Variants in GABRB1 observed in about 807,000 individuals in gnomAD.
GABRB1 encodes gamma-aminobutyric acid type A receptor subunit beta1.
GABRB1 carries 17 observed loss-of-function variants against 51.6 expected under a neutral mutation model. The ratio of observed to expected loss-of-function variants is 0.33; its 90% CI spans 0.23 to 0.49. The LOEUF (loss-of-function observed/expected upper bound fraction) is 0.49. Ranked by LOEUF, GABRB1 falls within the 20% of genes least tolerant of loss-of-function variation. GABRB1 has a pLI of 0.99. For missense variants in GABRB1, 410 were observed against 600.6 expected (o/e 0.68, Z 3.32); for synonymous variants, 247 against 218.9 (o/e 1.13, Z -1.14).
chr4:47,088,082 A>G lies in GABRB1; in HGVS notation c.240+55598A>G, dbSNP rs73132689. 6.4e-3 allele frequency among the ~76,000 whole-genome samples: 976 copies of G among 152,358 alleles called. 13 individuals carry two copies. The highest frequency in any genetic ancestry group is 0.022 in the African/African-American group (928 of 41,594). On this transcript the variant is annotated intron_variant, in intron 3 of 8. Transcript: ENST00000295454. ...CTTTTAGAGGAAATCATGGAAGACA[A>G]GAAATATGAACTAGTTTAAGATGTC...
At chr4:47,401,524 GT>G (rs1235453396) in intron 5 of GABRB1, among the ~76,000 whole-genome samples, 1 of 152,086 alleles carries the variant, frequency 6.6e-6, no homozygotes, top group African/African-American at 2.4e-5. Flanking sequence ...CATGCCACCA[GT>G]CCCTAGGTTC....
At chr4:47,133,079 T>C (rs1392362983) in intron 3 of GABRB1, among the ~76,000 whole-genome samples, 1 of 152,232 alleles carries the variant, frequency 6.6e-6, no homozygotes, top group Non-Finnish European at 1.5e-5. Context: ...CAGCATATTA[T>C]GTTTTTATGT....
chr4:47,063,418 T>A (rs1451878943), intron 3 of GABRB1, among the ~76,000 whole-genome samples: 5 of 152,186 alleles, frequency 3.3e-5, no homozygotes, highest in Non-Finnish European at 7.3e-5. Flanking sequence ...CTGCTACATG[T>A]CGGCACAATG....
intron 3 of GABRB1, among the ~76,000 whole-genome samples, chr4:47,091,164 A>G (rs1012046318): frequency 2.0e-5 from 3 of 152,022 alleles, no homozygotes; most frequent in Non-Finnish European, 4.4e-5. Context: ...GGATACTGCT[A>G]AACATCGTAC....
intron 5 of GABRB1, among the ~76,000 whole-genome samples, chr4:47,327,579 AC>A (rs1725305483): frequency 6.6e-6 from 1 of 152,170 alleles, no homozygotes; most frequent in Non-Finnish European, 1.5e-5. Context: ...ACACTTAGTG[AC>A]ACCTGGTTAC....
At chr4:47,195,896 C>A (rs572691062) in intron 4 of GABRB1, among the ~76,000 whole-genome samples, 1 of 152,212 alleles carries the variant, frequency 6.6e-6, no homozygotes, top group African/African-American at 2.4e-5. Context: ...TTCTGCCAGT[C>A]TGATGTCATC....
At chr4:47,336,829 G>A (rs1725718503) in intron 5 of GABRB1, among the ~76,000 whole-genome samples, 1 of 152,100 alleles carries the variant, frequency 6.6e-6, no homozygotes, top group South Asian at 2.1e-4. Flanking sequence ...GTCAAAAAGT[G>A]GCCAATTAAT....
At chr4:47,404,502 C>G (rs954809122) in intron 7 of GABRB1, among the ~76,000 whole-genome samples, 1 of 123,414 alleles carries the variant, frequency 8.1e-6, no homozygotes, top group Non-Finnish European at 1.7e-5. Flanking sequence ...CACACACACA[C>G]ACACACACAC....
chr4:47,224,903 T>C (rs1353906861), intron 4 of GABRB1, among the ~76,000 whole-genome samples: 1 of 152,170 alleles, frequency 6.6e-6, no homozygotes, highest in Admixed American at 6.6e-5. Context: ...GTTTTTGTTT[T>C]TTGTTTTTGA....
At chr4:47,419,482 G>A (rs1729030860) in intron 8 of GABRB1, among the ~76,000 whole-genome samples, 1 of 152,212 alleles carries the variant, frequency 6.6e-6, no homozygotes, top group South Asian at 2.1e-4. Flanking sequence ...CTGTTGGAAA[G>A]GGCACTGATA....
intron 5 of GABRB1, among the ~76,000 whole-genome samples, chr4:47,351,287 A>T (rs75974855): frequency 0.012 from 1,812 of 152,280 alleles, 36 homozygotes; most frequent in African/African-American, 0.042. Context: ...CATATAATCC[A>T]TCCACATTAG....
chr4:47,305,592 G>T (rs533038218), intron 4 of GABRB1, among the ~76,000 whole-genome samples: 1 of 152,202 alleles, frequency 6.6e-6, no homozygotes, highest in Admixed American at 6.5e-5. Context: ...TCAGGTGGAA[G>T]TCACACAAGA....
At chr4:47,200,751 A>T (rs2109796493) in intron 4 of GABRB1, among the ~76,000 whole-genome samples, 1 of 152,298 alleles carries the variant, frequency 6.6e-6, no homozygotes, top group African/African-American at 2.4e-5. Context: ...TGTATATGAC[A>T]TTGAAAGCCA....
upstream of GABRB1, among the ~76,000 whole-genome samples, chr4:47,028,424 A>C (rs1413200720): frequency 6.6e-6 from 1 of 151,808 alleles, no homozygotes; most frequent in Non-Finnish European, 1.5e-5. Context: ...TCTTTGGTGA[A>C]ATGCTTGTTA....
chr4:47,077,835 A>G (rs1419634852), intron 3 of GABRB1, among the ~76,000 whole-genome samples: 2 of 141,180 alleles, frequency 1.4e-5, no homozygotes, highest in African/African-American at 5.2e-5. Flanking sequence ...AATATATATT[A>G]TATATTTTAT....
At chr4:47,122,353 C>A (rs1279586529) in intron 3 of GABRB1, among the ~76,000 whole-genome samples, 1 of 151,934 alleles carries the variant, frequency 6.6e-6, no homozygotes, top group Non-Finnish European at 1.5e-5. Flanking sequence ...CTTTTTTTCA[C>A]ATTTGATACG....
At chr4:47,251,236 G>GC (rs1721974609) in intron 4 of GABRB1, among the ~76,000 whole-genome samples, 2 of 152,182 alleles carry the variant, frequency 1.3e-5, no homozygotes, top group Non-Finnish European at 2.9e-5. Context: ...TAGCCACACA[G>GC]CAAGTCTACC....
At chr4:47,091,206 C>G (rs1728277512) in intron 3 of GABRB1, among the ~76,000 whole-genome samples, 1 of 152,038 alleles carries the variant, frequency 6.6e-6, no homozygotes, top group Non-Finnish European at 1.5e-5. Context: ...AGTAATTATC[C>G]TGCTCAAAAA....
intron 5 of GABRB1, among the ~76,000 whole-genome samples, chr4:47,375,229 T>C (rs1361194053): frequency 6.6e-6 from 1 of 152,206 alleles, no homozygotes; most frequent in Non-Finnish European, 1.5e-5. Flanking sequence ...AGTGACATTG[T>C]CATATTTGTA....
Sources: allele counts gnomAD v4.1 joint callset (sites outside exome capture counted in the v4.1 genomes callset), GRCh38; gene constraint gnomAD v4.1.1; transcripts MANE v1.5; gene names NCBI Gene and HGNC (gene_info 2026-07-23, HGNC 2026-07-21).